PDE4C: variants seen among roughly 807,000 people sequenced by gnomAD.
PDE4C encodes 3',5'-cyclic-AMP phosphodiesterase 4C.
PDE4C carries 50 observed loss-of-function variants against 63.9 expected under a neutral mutation model. The ratio of observed to expected loss-of-function variants is 0.78; its 90% CI spans 0.62 to 0.99. The LOEUF (loss-of-function observed/expected upper bound fraction) is 0.99. Among genes scored for constraint, PDE4C ranks in the 50% least tolerant of loss-of-function variants. PDE4C has a pLI of 0.00. For synonymous variants in PDE4C, 377 were observed against 385.1 expected, an observed-to-expected ratio of 0.98 and a Z score of 0.25; for missense variants, 777 against 899.1, an observed-to-expected ratio of 0.86 and a Z score of 1.74.
intron 1 of PDE4C, among the ~76,000 whole-genome samples, chr19:18,232,374 CGTGTGTGTGTGTGTGT>C (rs4006742): frequency 6.7e-6 from 1 of 149,848 alleles, no homozygotes; most frequent in Non-Finnish European, 1.5e-5. Flanking sequence ...AAAATAAAAA[CGTGTGTGTGTGTGTGT>C]GTGTGTGTGT....
At chr19:18,237,851 T>C (rs1486828368), upstream of PDE4C, among the ~76,000 whole-genome samples, 1 of 120,752 alleles carries the variant, frequency 8.3e-6, no homozygotes, top group African/African-American at 3.3e-5. Flanking sequence ...CCAGCCTGAG[T>C]GACAGAGCGA....
chr19:18,213,487 G>A (rs773268047), exon 13 of PDE4C: 1 of 1,610,642 alleles, frequency 6.2e-7, no homozygotes. Context: ...TCTGTGGCCA[G>A]CACCTGGGGG....
At chr19:18,217,200 T>C (rs915669695) in intron 11 of PDE4C, 6 of 205,138 alleles carry the variant, frequency 2.9e-5, no homozygotes, top group Non-Finnish European at 4.9e-5. Flanking sequence ...AGGGTCTTGC[T>C]GTCACCCAGG....
At chr19:18,222,353 G>A (rs778667502) in intron 1 of PDE4C, 30 bp from the exon 2 acceptor site, 166 of 1,589,528 alleles carry the variant, frequency 1.0e-4, no homozygotes, top group Non-Finnish European at 1.4e-4. Context: ...GGTCAGAGAC[G>A]AGGGTCATGA....
At chr19:18,239,095 A>G (rs964886433) in intron 1 of PDE4C, among the ~76,000 whole-genome samples, 1 of 152,220 alleles carries the variant, frequency 6.6e-6, no homozygotes. Flanking sequence ...CCCTGTATAA[A>G]TGCCGTTCCA....
Position 18,211,794 on chromosome 19 carries a change from A to ACATGGGACTCATGTCC in PDE4C, c.1659_1660insGGACATGAGTCCCATG (p.Cys554GlyfsTer7), listed in dbSNP as rs1284622261. On this transcript the variant is annotated frameshift_variant, in exon 14 of 15. Coordinates refer to ENST00000262805, the Ensembl canonical transcript of PDE4C. LOFTEE classifies it low-confidence loss of function (END_TRUNC). Reference sequence around the variant, plus strand: ...TCCACTGAGGCCGTATGCTTGTCACACATGGGACTGATGTCCAGGCCCGAC... The same window carrying ACATGGGACTCATGTCC: ...TCCACTGAGGCCGTATGCTTGTCACACATGGGACTCATGTCCCATGGGACTGATGTCCAGGCCCGAC... The ACATGGGACTCATGTCC allele has an allele frequency of 6.2e-7, 1 of 1,614,082 alleles. No homozygotes were observed. The highest frequency in any genetic ancestry group is 2.2e-5 in the East Asian group (1 of 44,898).
At chr19:18,223,856 TTAGTC>T (rs1476212693) in intron 1 of PDE4C, among the ~76,000 whole-genome samples, 12 of 152,200 alleles carry the variant, frequency 7.9e-5, no homozygotes, top group Admixed American at 6.5e-4. Flanking sequence ...TGCGTGCGCC[TTAGTC>T]TAGAGAGACC....
rs759165642 is a variant in PDE4C at position 18,220,178 on chromosome 19, C to T, written c.706+48G>A. On this transcript the variant is annotated intron_variant, in intron 7 of 14. Coordinates refer to ENST00000262805, the Ensembl canonical transcript of PDE4C. This position sits in a 1 kb window ranked among gnomAD's most constrained non-coding sequence, Gnocchi z 5.1. ...TATCATAGGAATCTTTCTTTTGTTT[C>T]TTAGTACTCCTAAAATGTCGTCCAG... The T allele has an allele frequency of 7.0e-7, 1 of 1,430,846 alleles. No homozygotes were observed. Among genetic ancestry groups the T allele is most frequent in the Admixed American group, 1.7e-5 (1 of 59,588 alleles). The allele number at this position is 1,430,846 out of a possible 1,614,324, so 88.6% of individuals were successfully genotyped here.
chr19:18,221,067 G>C (rs1968455766), intron 4 of PDE4C, 38 bp downstream of exon 4: 1 of 749,706 alleles, frequency 1.3e-6, no homozygotes, highest in Non-Finnish European at 1.9e-6. Flanking sequence ...CCTTGTCTCT[G>C]CCGGCCCCGC....
Position 18,212,084 on chromosome 19 carries a change from G to T in PDE4C, c.1513-143C>A, listed in dbSNP as rs1015006868. The T allele has an allele frequency of 7.4e-5, 56 of 756,042 alleles. No individual in the cohort carries two copies. In the African/African-American group the frequency reaches 9.7e-4, roughly 13 times the overall value. The allele number at this position is 756,042 out of a possible 1,614,324, so 46.8% of individuals were successfully genotyped here. On this transcript the variant is annotated intron_variant, in intron 13 of 14. Transcript: ENST00000262805. ...GCCTGAGACCTGAAGAAATGGTTAA[G>T]GCACAGGCATGTGACTCTTGCCATT...
At chr19:18,212,377 G>A (rs1405162898) in intron 13 of PDE4C, among the ~76,000 whole-genome samples, 1 of 151,520 alleles carries the variant, frequency 6.6e-6, no homozygotes, top group Non-Finnish European at 1.5e-5. Flanking sequence ...GAGACGGGGT[G>A]TTGCCCAGGC....
In PDE4C at chr19:18,220,157, A is replaced by C. The variant is rs2148023765; in HGVS notation, c.706+69T>G. The C allele has an allele frequency of 2.4e-6, 3 of 1,261,924 alleles. No homozygotes were observed. The highest frequency in any genetic ancestry group is 2.3e-5 in the East Asian group (1 of 42,922). The allele number at this position is 1,261,924 out of a possible 1,614,324, so 78.2% of individuals were successfully genotyped here. Reference sequence around the variant, plus strand: ...TATCTCCCCCAGACTGAGGTCTATCATAGGAATCTTTCTTTTGTTTCTTAG... The same window carrying C: ...TATCTCCCCCAGACTGAGGTCTATCCTAGGAATCTTTCTTTTGTTTCTTAG... On this transcript the variant is annotated intron_variant, in intron 7 of 14. Transcript: ENST00000262805. This position sits in a 1 kb window ranked among gnomAD's most constrained non-coding sequence, Gnocchi z 5.1.
rs781271385 is a variant in PDE4C, at chr19:18,219,407, G to A, written c.707-10C>T. The stretch of plus-strand genomic sequence containing the variant: ...ACCTCGGTCTGCTGGTCTGCGGATG[G>A]GCCAGGGTGAAGCTCAGAGAAGCCG... On this transcript the variant is annotated splice_polypyrimidine_tract_variant and intron_variant, in intron 7 of 14. Transcript: ENST00000262805. The A allele has an allele frequency of 6.3e-7, 1 of 1,583,460 alleles. No homozygotes were observed. The highest frequency in any genetic ancestry group is 8.6e-7 in the Non-Finnish European group (1 of 1,164,616).
intron 13 of PDE4C, among the ~76,000 whole-genome samples, chr19:18,212,526 G>C (rs1433566513): frequency 6.7e-6 from 1 of 148,646 alleles, no homozygotes; most frequent in Non-Finnish European, 1.5e-5. Flanking sequence ...CCAGGCTGGA[G>C]TGCAATGGTG....
intron 2 of PDE4C, 112 bp from the exon 3 acceptor site, chr19:18,221,409 C>T (rs543871175): frequency 9.0e-7 from 1 of 1,107,172 alleles, no homozygotes; most frequent in African/African-American, 1.6e-5. Flanking sequence ...CCTCCAGGCT[C>T]CTTCTTAGTC....
chr19:18,252,911 CATTTTT>C (rs956060968), upstream of PDE4C, among the ~76,000 whole-genome samples: 2 of 152,140 alleles, frequency 1.3e-5, no homozygotes, highest in African/African-American at 2.4e-5. Context: ...CCAGCCTTTT[CATTTTT>C]ATTTTTAATT....
chr19:18,219,006 A>C, exon 9 of PDE4C: 1 of 1,613,538 alleles, frequency 6.2e-7, no homozygotes, highest in Non-Finnish European at 8.5e-7. Flanking sequence ...CCTTGAACAC[A>C]TCAAGTCCCC....
intron 1 of PDE4C, among the ~76,000 whole-genome samples, chr19:18,246,853 G>C (rs1969143427): frequency 6.6e-6 from 1 of 152,134 alleles, no homozygotes; most frequent in Non-Finnish European, 1.5e-5. Context: ...CTTAAACCCG[G>C]GAAGCAGAGA....
rs370872275 is a variant in PDE4C, at chr19:18,220,829, C to G, written c.499+45G>C. 1 of 1,566,792 alleles carries G rather than the reference C, an allele frequency of 6.4e-7. No individual in the cohort carries two copies. Among genetic ancestry groups the G allele is most frequent in the Non-Finnish European group, 8.7e-7 (1 of 1,146,564 alleles). On this transcript the variant is annotated intron_variant, in intron 5 of 14. Transcript: ENST00000262805. This position sits in a 1 kb window ranked among gnomAD's most constrained non-coding sequence, Gnocchi z 5.1. ...TGGGGAGGTCACTATGGAAAGGAAG[C>G]TCCCAGCTGTCCTCAGCGGGGGAGG...
Sources: allele counts gnomAD v4.1 joint callset (sites outside exome capture counted in the v4.1 genomes callset), GRCh38; gene constraint gnomAD v4.1.1; non-coding constraint Gnocchi (gnomAD v3.1); transcripts MANE v1.5; gene names NCBI Gene and HGNC (gene_info 2026-07-23, HGNC 2026-07-21).